TAFA1: variants seen among roughly 807,000 people sequenced by gnomAD.
TAFA1 encodes the protein chemokine-like protein TAFA-1.
Under a neutral mutation model 18.5 loss-of-function variants are expected in TAFA1, and 4 were observed. That is an observed-to-expected ratio of 0.22 (90% CI 0.11 to 0.49). The LOEUF (loss-of-function observed/expected upper bound fraction) is 0.49. Among genes scored for constraint, TAFA1 ranks in the 20% least tolerant of loss-of-function variants. TAFA1 has a pLI of 0.98. For missense variants in TAFA1, 147 were observed against 169.0 expected (o/e 0.87, Z 0.72); for synonymous variants, 56 against 55.2 (o/e 1.01, Z -0.06).
At chr3:68,005,442 T>C (rs1376996232) in intron 1 of TAFA1, among the ~76,000 whole-genome samples, 1 of 152,208 alleles carries the variant, frequency 6.6e-6, no homozygotes, top group East Asian at 1.9e-4. Flanking sequence ...CAAGACTGCA[T>C]CTCTCTGCTA....
intron 2 of TAFA1, among the ~76,000 whole-genome samples, chr3:68,074,529 C>G (rs2064800523): frequency 6.6e-6 from 1 of 151,946 alleles, no homozygotes; most frequent in Admixed American, 6.6e-5. Context: ...AGAAGGAAAA[C>G]AAAAATGCCT....
At chr3:68,281,749 C>A (rs1251964046) in intron 2 of TAFA1, among the ~76,000 whole-genome samples, 2 of 152,036 alleles carry the variant, frequency 1.3e-5, no homozygotes, top group East Asian at 3.9e-4. Context: ...TGAGCCACCG[C>A]GCCTGGTCCC....
chr3:68,057,532 A>C (rs2064551203), intron 2 of TAFA1, among the ~76,000 whole-genome samples: 1 of 152,198 alleles, frequency 6.6e-6, no homozygotes, highest in Non-Finnish European at 1.5e-5. Context: ...TTTTAATTGT[A>C]ATTTTATAAC....
intron 2 of TAFA1, among the ~76,000 whole-genome samples, chr3:68,110,658 G>A (rs2065252336): frequency 6.6e-6 from 1 of 152,140 alleles, no homozygotes; most frequent in Non-Finnish European, 1.5e-5. Context: ...TGCAGATTGA[G>A]AGCCATCATG....
intron 2 of TAFA1, among the ~76,000 whole-genome samples, chr3:68,014,991 T>A (rs1392491144): frequency 6.6e-6 from 1 of 152,112 alleles, no homozygotes; most frequent in Non-Finnish European, 1.5e-5. Flanking sequence ...TAACATTTTA[T>A]GATTTCTAAT....
At chr3:68,000,867 G>A (rs140641869), upstream of TAFA1, among the ~76,000 whole-genome samples, 19 of 152,278 alleles carry the variant, frequency 1.2e-4, no homozygotes, top group African/African-American at 4.3e-4. Flanking sequence ...AAGTTTATGG[G>A]GAGGGACATG....
intron 2 of TAFA1, among the ~76,000 whole-genome samples, chr3:68,401,554 A>G (rs183957917): frequency 7.9e-5 from 12 of 152,198 alleles, no homozygotes; most frequent in Non-Finnish European, 1.8e-4. Flanking sequence ...CCATTCTCCT[A>G]CAGGCTTTTC....
intron 2 of TAFA1, among the ~76,000 whole-genome samples, chr3:68,353,194 C>T (rs545191801): frequency 6.6e-6 from 1 of 152,026 alleles, no homozygotes; most frequent in South Asian, 2.1e-4. Context: ...AGTTGTCTCC[C>T]ACCAGCTTTG....
chr3:68,239,471 T>C lies in TAFA1; in HGVS notation c.119-177809T>C, dbSNP rs188159334. Among the ~76,000 whole-genome samples, 816 of 152,188 alleles carry C rather than the reference T, an allele frequency of 5.4e-3. 13 individuals carry two copies. Among genetic ancestry groups the C allele is most frequent in the African/African-American group, 0.018 (733 of 41,518 alleles). On this transcript the variant is annotated intron_variant, in intron 2 of 4. Transcript: ENST00000478136. ...AATATTTGGTAAGAGGATTTTTTTT[T>C]CCCAATATTTCACCCTTTATCCAGG... is the stretch of plus-strand genomic sequence containing the variant.
At position 68,022,859 on chromosome 3, in the gene TAFA1, T is replaced by A. The variant is rs537162171; in HGVS notation, c.118+16115T>A. Among the ~76,000 whole-genome samples the A allele has an allele frequency of 2.0e-3, 237 of 115,832 alleles. 1 individual carries two copies. Among genetic ancestry groups the A allele is most frequent in the African/African-American group, 7.7e-3 (225 of 29,364 alleles). 76.0% of individuals were successfully genotyped at this position (115,832 alleles called of 152,430 possible). On this transcript the variant is annotated intron_variant, in intron 2 of 4. Coordinates refer to ENST00000478136, the MANE Select transcript of TAFA1 (RefSeq NM_213609.4). ...TATATATATTATATATATATATATA[T>A]AAAATTAAGATTTGTATTAAGTGTT... is the stretch of plus-strand genomic sequence containing the variant.
At chr3:68,513,717 G>A (rs1181182942) in intron 3 of TAFA1, among the ~76,000 whole-genome samples, 1 of 152,064 alleles carries the variant, frequency 6.6e-6, no homozygotes. Flanking sequence ...TATAAAGCAG[G>A]ACAGGTATTA....
chr3:68,279,674 A>C (rs2067863300), intron 2 of TAFA1, among the ~76,000 whole-genome samples: 1 of 152,212 alleles, frequency 6.6e-6, no homozygotes, highest in Admixed American at 6.5e-5. Context: ...CCCATTTCAA[A>C]TAGAAATCTC....
At chr3:68,276,035 A>C (rs1168357403) in intron 2 of TAFA1, among the ~76,000 whole-genome samples, 1 of 152,108 alleles carries the variant, frequency 6.6e-6, no homozygotes, top group Non-Finnish European at 1.5e-5. Context: ...TATTCATTGA[A>C]TGAAAACATC....
At chr3:68,342,702 A>G (rs1177444861) in intron 2 of TAFA1, among the ~76,000 whole-genome samples, 1 of 152,188 alleles carries the variant, frequency 6.6e-6, no homozygotes, top group Non-Finnish European at 1.5e-5. Context: ...AAAAGCCTCA[A>G]CTTTATATGA....
chr3:68,508,927 A>G (rs1295530288), intron 3 of TAFA1, among the ~76,000 whole-genome samples: 1 of 151,932 alleles, frequency 6.6e-6, no homozygotes, highest in African/African-American at 2.4e-5. Flanking sequence ...CAACAGAAGG[A>G]AGAAGAGCAG....
intron 3 of TAFA1, among the ~76,000 whole-genome samples, chr3:68,477,188 C>T (rs1265227052): frequency 6.6e-6 from 1 of 151,746 alleles, no homozygotes; most frequent in Non-Finnish European, 1.5e-5. Flanking sequence ...AGTATATACT[C>T]TTTTATATAT....
At chr3:68,188,347 A>G (rs918933988) in intron 2 of TAFA1, among the ~76,000 whole-genome samples, 4 of 151,726 alleles carry the variant, frequency 2.6e-5, no homozygotes, top group Non-Finnish European at 5.9e-5. Flanking sequence ...TTAATACAGA[A>G]TTTTAAAATG....
chr3:68,453,206 A>C (rs2106901380), intron 3 of TAFA1, among the ~76,000 whole-genome samples: 1 of 152,172 alleles, frequency 6.6e-6, no homozygotes. Context: ...AGTGCCCCAA[A>C]CCCTCTGTCT....
At chr3:68,006,195 A>T (rs1167353166) in intron 1 of TAFA1, 1 of 160,822 alleles carries the variant, frequency 6.2e-6, no homozygotes, top group African/African-American at 2.4e-5. Flanking sequence ...TTAAAAAAAA[A>T]AAAAGAACCC....
Sources: allele counts gnomAD v4.1 joint callset (sites outside exome capture counted in the v4.1 genomes callset), GRCh38; gene constraint gnomAD v4.1.1; transcripts MANE v1.5; gene names NCBI Gene and HGNC (gene_info 2026-07-23, HGNC 2026-07-21).